Variants in PRKCQ observed in about 807,000 individuals in gnomAD.
The protein encoded by PRKCQ is protein kinase C theta type.
PRKCQ carries 41 observed loss-of-function variants against 91.2 expected under a neutral mutation model. The ratio of observed to expected loss-of-function variants is 0.45; its 90% confidence interval spans 0.35 to 0.58. PRKCQ has a LOEUF of 0.58. PRKCQ is among the 20% of genes least tolerant of loss of function. PRKCQ has a pLI of 0.00. For synonymous variants in PRKCQ, 307 were observed against 316.9 expected (o/e 0.97, Z 0.33); for missense variants, 673 against 896.5 (o/e 0.75, Z 3.18).
rs1177247713 is a variant in PRKCQ at position 6,530,485 on chromosome 10, T to G, written c.-9-15341A>C. ...GAGCTAACAGTTTTATAGAGAATAC[T>G]CTACGGAAGCCCGCATGTGCCGGCT... On this transcript the variant is annotated intron_variant, in intron 1 of 17. Coordinates refer to ENST00000263125, the MANE Select transcript of PRKCQ (RefSeq NM_006257.5). 2.6e-5 allele frequency among the ~76,000 whole-genome samples: 4 copies of G among 152,336 alleles called. No homozygotes were observed. In the East Asian group the frequency reaches 7.7e-4, roughly 29 times the overall value.
intron 8 of PRKCQ, among the ~76,000 whole-genome samples, chr10:6,486,740 A>C (rs554223411): frequency 6.6e-6 from 1 of 152,234 alleles, no homozygotes; most frequent in Admixed American, 6.5e-5. Flanking sequence ...CCTGCCCTGC[A>C]TCAGAAGAAT....
intron 1 of PRKCQ, among the ~76,000 whole-genome samples, chr10:6,543,199 C>A (rs1282625803): frequency 2.0e-5 from 3 of 152,170 alleles, no homozygotes; most frequent in African/African-American, 4.8e-5. Flanking sequence ...TCTGTGCGCT[C>A]AGTAATTGGT....
chr10:6,464,218 G>T, intron 13 of PRKCQ, 95 bp downstream of exon 13: 1 of 1,055,896 alleles, frequency 9.5e-7, no homozygotes, highest in East Asian at 2.4e-5. Context: ...CCTGGCCCTG[G>T]GATTCAGGCA....
chr10:6,570,251 C>T (rs1379128367), intron 1 of PRKCQ, among the ~76,000 whole-genome samples: 1 of 151,906 alleles, frequency 6.6e-6, no homozygotes, highest in African/African-American at 2.4e-5. Flanking sequence ...ATCTGTCGTT[C>T]AAGACATGTG....
the PRKCQ span, among the ~76,000 whole-genome samples, chr10:6,417,143 A>G: frequency 1.3e-5 from 2 of 152,260 alleles, no homozygotes; most frequent in Admixed American, 1.3e-4. Context: ...CCATGGCAAC[A>G]TGAAATAGGT....
In PRKCQ at chr10:6,472,265, A is replaced by G. The variant is rs183820419; in HGVS notation, c.1353+6727T>C. ...AGAGCTTGCAGTGAGCCGAGATCGC[A>G]CCACTGCACTCCAGGCTGGGCGACA... On this transcript the variant is annotated intron_variant, in intron 12 of 17. Coordinates refer to ENST00000263125, the MANE Select transcript of PRKCQ (RefSeq NM_006257.5). Among the ~76,000 whole-genome samples the G allele has an allele frequency of 6.8e-3, 1,027 of 151,968 alleles. 11 individuals carry two copies. The highest frequency in any genetic ancestry group is 0.01 in the Admixed American group (156 of 15,278).
At position 6,546,053 on chromosome 10, in the gene PRKCQ, G is replaced by T. The variant is rs945425286; in HGVS notation, c.-9-30909C>A. On this transcript the variant is annotated intron_variant, in intron 1 of 17. Coordinates refer to ENST00000263125, the MANE Select transcript of PRKCQ (RefSeq NM_006257.5). The stretch of plus-strand genomic sequence containing the variant: ...TCACATGGTAAATTTTGTGTTACGC[G>T]TATTCTAGCACAACAACAAAAGAAA... Among the ~76,000 whole-genome samples the T allele has an allele frequency of 6.6e-5, 10 of 152,228 alleles. No individual in the cohort carries two copies. The East Asian group carries it at 1.9e-3, about 29-fold the overall frequency.
At chr10:6,531,472 G>C (rs1366535788) in intron 1 of PRKCQ, among the ~76,000 whole-genome samples, 1 of 151,174 alleles carries the variant, frequency 6.6e-6, no homozygotes, top group Non-Finnish European at 1.5e-5. Flanking sequence ...TGACAGGCTA[G>C]TCCCCCAAGC....
At chr10:6,536,337 G>C (rs754741022) in intron 1 of PRKCQ, among the ~76,000 whole-genome samples, 1 of 152,144 alleles carries the variant, frequency 6.6e-6, no homozygotes, top group Non-Finnish European at 1.5e-5. Flanking sequence ...CAGTGACCTT[G>C]GCGATGACCT....
At chr10:6,442,131 G>A in intron 15 of PRKCQ, 50 bp from the exon 16 acceptor site, 1 of 1,560,250 alleles carries the variant, frequency 6.4e-7, no homozygotes, top group Non-Finnish European at 8.8e-7. Flanking sequence ...AGGCTGAGGA[G>A]TGACAACTCT....
chr10:6,486,238 G>A, intron 8 of PRKCQ, 94 bp from the exon 9 acceptor site: 1 of 1,050,162 alleles, frequency 9.5e-7, no homozygotes, highest in Non-Finnish European at 1.4e-6. Context: ...TTGCGGATAG[G>A]GAGGAAAGCC....
At chr10:6,534,776 A>ATATCTATCTATCTATC (rs1460511203) in intron 1 of PRKCQ, among the ~76,000 whole-genome samples, 2 of 26,136 alleles carry the variant, frequency 7.7e-5, no homozygotes, top group African/African-American at 1.2e-4. Context: ...ACATATATCT[A>ATATCTATCTATCTATC]TATATATATA....
At chr10:6,494,724 A>G (rs930453535) in intron 7 of PRKCQ, among the ~76,000 whole-genome samples, 8 of 152,136 alleles carry the variant, frequency 5.3e-5, no homozygotes, top group Non-Finnish European at 1.0e-4. Context: ...ATTCCTTTGT[A>G]GTCAGTCCTG....
Position 6,429,879 on chromosome 10 carries a change from A to C in PRKCQ, c.1965+931T>G, listed in dbSNP as rs141040151. Among the ~76,000 whole-genome samples, 35 of 138,710 alleles carry C rather than the reference A, an allele frequency of 2.5e-4. No homozygotes were observed. In the East Asian group the frequency reaches 7.2e-3, roughly 28 times the overall value. 91.0% of individuals were successfully genotyped at this position (138,710 alleles called of 152,430 possible). ...TGAGGAGTTTGAACTACAGGCATGC[A>C]CCACCAAGCCCACTTAATTTTGTAG... On this transcript the variant is annotated intron_variant, in intron 17 of 17. Coordinates refer to ENST00000263125, the MANE Select transcript of PRKCQ (RefSeq NM_006257.5).
rs1423605655 is a variant in PRKCQ, at chr10:6,511,026, C to T, written c.287G>A (p.Cys96Tyr). ...TVELYSLAERCRKNNGKTEIW... is the reference protein window; with the variant it reads ...TVELYSLAERYRKNNGKTEIW... ...TTCTGTCTTCCCGTTGTTCTTCCTG[C>T]ACCTCTCAGCCAGCGAGTAGAGCTC... Residue 96 changes from cysteine to tyrosine, a missense_variant, in exon 3 of 18, where the codon TGC (cysteine) becomes TAC (tyrosine). Transcript: ENST00000263125. The T allele has an allele frequency of 1.2e-6, 2 of 1,614,144 alleles. No homozygotes were observed. Among genetic ancestry groups the T allele is most frequent in the Non-Finnish European group, 1.7e-6 (2 of 1,180,006 alleles).
intron 1 of PRKCQ, among the ~76,000 whole-genome samples, chr10:6,537,270 C>T (rs1215368257): frequency 1.3e-5 from 2 of 152,140 alleles, no homozygotes; most frequent in African/African-American, 4.8e-5. Context: ...TTAATCTATA[C>T]CTCAGTTTAC....
chr10:6,454,401 C>T (rs1588684249), intron 15 of PRKCQ, among the ~76,000 whole-genome samples: 2 of 152,000 alleles, frequency 1.3e-5, no homozygotes, highest in Middle Eastern at 3.2e-3. Context: ...CTGGGCGGAG[C>T]TGGATCAAGG....
At chr10:6,461,754 C>A (rs542226957) in intron 14 of PRKCQ, among the ~76,000 whole-genome samples, 4 of 152,262 alleles carry the variant, frequency 2.6e-5, no homozygotes, top group African/African-American at 9.6e-5. Context: ...TCCTAATCTG[C>A]AGTGAGTTGG....
intron 7 of PRKCQ, among the ~76,000 whole-genome samples, chr10:6,494,686 T>C (rs1272329238): frequency 1.3e-5 from 2 of 152,186 alleles, no homozygotes; most frequent in Non-Finnish European, 2.9e-5. Flanking sequence ...TCTCTGTCCT[T>C]TATCTTCTAC....
Sources: allele counts gnomAD v4.1 joint callset (sites outside exome capture counted in the v4.1 genomes callset), GRCh38; gene constraint gnomAD v4.1.1; transcripts MANE v1.5; gene names NCBI Gene and HGNC (gene_info 2026-07-23, HGNC 2026-07-21).